TMEM260: variants seen among roughly 807,000 people sequenced by gnomAD.
TMEM260 encodes the protein protein O-mannosyl-transferase TMEM260.
In TMEM260, 82 loss-of-function variants were observed where a neutral mutation model predicts 88.9. The ratio of observed to expected loss-of-function variants is 0.92; its 90% CI spans 0.77 to 1.11. The LOEUF (loss-of-function observed/expected upper bound fraction) is 1.11, where lower values mean the gene tolerates loss of function less well. Ranked by LOEUF, TMEM260 falls within the 50% of genes least tolerant of loss-of-function variation. The probability of loss-of-function intolerance (pLI) is 0.00; values close to 1 mark genes in which losing one functional copy is unlikely to be tolerated. For synonymous variants in TMEM260, 314 were observed against 309.3 expected (o/e 1.02, Z -0.16); for missense variants, 902 against 853.4 (o/e 1.06, Z -0.71).
chr14:56,618,647 T>C lies in TMEM260; in HGVS notation c.1110T>C (p.Ile370=). The change falls in exon 10 of 16, where the codon ATT becomes ATC. Residue 370 remains isoleucine (I), a synonymous_variant. Transcript: ENST00000261556. ...CAGTAGTGGCCGTCCTCGCTGGCAT[T>C]GGTTTGGCTGCAGTTGTGTCTGAGA... ...SNAVVAVLAG[I]GLAAVVSETN... The C allele has an allele frequency of 6.2e-7, 1 of 1,614,242 alleles. No individual in the cohort carries two copies. The highest frequency in any genetic ancestry group is 8.5e-7 in the Non-Finnish European group (1 of 1,180,038).
chr14:56,634,909 T>C lies in TMEM260; in HGVS notation c.1735T>C (p.Ser579Pro), dbSNP rs926742226. ...TTCTTGTAACTACAGGTTTGATCCA[T>C]CTTCTTGGGAATCTGTGGCCAATGA... ...WTEEYGRFDP[S>P]SWESVANEEM... Residue 579 changes from serine to proline, a missense_variant, in exon 14 of 16, where the codon TCT becomes CCT. Ser to Pro is a moderately conservative substitution (Grantham distance 74, BLOSUM62 -1). Transcript: ENST00000261556. 3 of 1,613,702 alleles carry C rather than the reference T, an allele frequency of 1.9e-6. No homozygotes were observed. Among genetic ancestry groups the C allele is most frequent in the African/African-American group, 2.7e-5 (2 of 74,870 alleles).
At chr14:56,593,677 CTTTTTTTTTTTTTTT>C (rs34268894) in intron 3 of TMEM260, among the ~76,000 whole-genome samples, 5 of 63,506 alleles carry the variant, frequency 7.9e-5, no homozygotes, top group African/African-American at 1.6e-4. Context: ...AGGTGAGTGT[CTTTTTTTTTTTTTTT>C]TTTTTTTTTT....
intron 8 of TMEM260, 44 bp from the exon 9 acceptor site, chr14:56,617,139 C>A: frequency 1.7e-6 from 2 of 1,149,580 alleles, no homozygotes; most frequent in East Asian, 2.7e-5. Flanking sequence ...ATTTGACATT[C>A]ATGTATCTAA....
chr14:56,626,277 C>T (rs1888238712), intron 12 of TMEM260, among the ~76,000 whole-genome samples: 3 of 152,164 alleles, frequency 2.0e-5, no homozygotes, highest in Admixed American at 1.3e-4. Flanking sequence ...TTATATGGCT[C>T]GTGGAGTAAA....
chr14:56,591,545 C>G (rs775911700), intron 3 of TMEM260, among the ~76,000 whole-genome samples: 1 of 152,118 alleles, frequency 6.6e-6, no homozygotes, highest in Non-Finnish European at 1.5e-5. Context: ...ATGCCTTGGC[C>G]GGTGCCTTTG....
chr14:56,579,846 C>A lies in TMEM260; in HGVS notation c.-69C>A. 8.2e-7 allele frequency: 1 copy of A among 1,215,208 alleles called. No individual in the cohort carries two copies. The highest frequency in any genetic ancestry group is 1.0e-6 in the Non-Finnish European group (1 of 973,190). The allele number at this position is 1,215,208 out of a possible 1,614,324, so 75.3% of individuals were successfully genotyped here. On this transcript the variant is annotated 5_prime_UTR_variant, in exon 1 of 16. The change creates a new upstream start codon in the 5' untranslated region. Coordinates refer to ENST00000261556, the MANE Select transcript of TMEM260 (RefSeq NM_017799.4). Reference sequence around the variant, plus strand: ...CGCACAAGCTGCGCTCGTCTCTCGGCTGGGGAGCTCCGTGTCGCACCGGGT... The same window carrying A: ...CGCACAAGCTGCGCTCGTCTCTCGGATGGGGAGCTCCGTGTCGCACCGGGT...
chr14:56,660,312 A>C, the TMEM260 span, among the ~76,000 whole-genome samples: 3,832 of 152,336 alleles, frequency 0.025, 99 homozygotes, highest in East Asian at 0.057. Flanking sequence ...TTTGTCTGTC[A>C]ATACGTGGGA....
rs184098770 is a variant in TMEM260 at position 56,595,457 on chromosome 14, A to T, written c.345-8358A>T. 1.0e-3 allele frequency among the ~76,000 whole-genome samples: 152 copies of T among 152,288 alleles called. 2 individuals carry two copies. Among genetic ancestry groups the T allele is most frequent in the African/African-American group, 3.4e-3 (143 of 41,566 alleles). The stretch of plus-strand genomic sequence containing the variant: ...AAATCAATGTGTGAAAGGCAATATG[A>T]GTAACTGTGAACCTATATTTTATTT... On this transcript the variant is annotated intron_variant, in intron 3 of 15. Coordinates refer to ENST00000261556, the MANE Select transcript of TMEM260 (RefSeq NM_017799.4).
At chr14:56,637,061 C>T (rs1392785106) in intron 15 of TMEM260, among the ~76,000 whole-genome samples, 1 of 152,050 alleles carries the variant, frequency 6.6e-6, no homozygotes, top group Non-Finnish European at 1.5e-5. Flanking sequence ...GAGGAAGGAG[C>T]CAGGAGTAAA....
chr14:56,596,799 A>G (rs1270243022), intron 3 of TMEM260, among the ~76,000 whole-genome samples: 2 of 142,964 alleles, frequency 1.4e-5, no homozygotes, highest in Non-Finnish European at 3.0e-5. Context: ...AAAAAAATAT[A>G]TATATATACA....
chr14:56,660,900 T>C, the TMEM260 span, among the ~76,000 whole-genome samples: 2 of 152,210 alleles, frequency 1.3e-5, no homozygotes, highest in South Asian at 2.1e-4. Context: ...CAGTTCCACT[T>C]AGTTTAAAAA....
downstream of TMEM260, among the ~76,000 whole-genome samples, chr14:56,651,499 G>T (rs1203243982): frequency 6.6e-6 from 1 of 152,194 alleles, no homozygotes; most frequent in Non-Finnish European, 1.5e-5. Flanking sequence ...ACAATTATTG[G>T]CCTGAAAGTG....
At chr14:56,620,631 A>G (rs976922392) in intron 10 of TMEM260, among the ~76,000 whole-genome samples, 1 of 152,206 alleles carries the variant, frequency 6.6e-6, no homozygotes. Context: ...ACTCTGCAAC[A>G]TAGGGAATCA....
intron 3 of TMEM260, among the ~76,000 whole-genome samples, chr14:56,601,831 G>C (rs890454070): frequency 6.6e-6 from 1 of 152,042 alleles, no homozygotes; most frequent in African/African-American, 2.4e-5. Flanking sequence ...GCTGGCTCCT[G>C]TGTCCTTCTG....
At position 56,583,990 on chromosome 14, in the gene TMEM260, T is replaced by TTGTGTG. The variant is rs10594077; in HGVS notation, c.161-979_161-974dup. ...TAGACTAGGGATGCAATCCAGCCTT[T>TTGTGTG]TGTGTGTGTGTGTGTGTGTGTGTGT... On this transcript the variant is annotated intron_variant, in intron 1 of 15. Coordinates refer to ENST00000261556, the MANE Select transcript of TMEM260 (RefSeq NM_017799.4). Among the ~76,000 whole-genome samples the TTGTGTG allele has an allele frequency of 1.2e-3, 170 of 145,942 alleles. 1 individual carries two copies. Among genetic ancestry groups the TTGTGTG allele is most frequent in the East Asian group, 2.3e-3 (11 of 4,834 alleles).
chr14:56,641,416 A>G (rs535676352), intron 15 of TMEM260, among the ~76,000 whole-genome samples: 2 of 152,326 alleles, frequency 1.3e-5, no homozygotes, highest in South Asian at 2.1e-4. Context: ...AGCCAAACTA[A>G]GCTTCATAAG....
the TMEM260 span, among the ~76,000 whole-genome samples, chr14:56,660,005 A>G: frequency 6.6e-6 from 1 of 152,200 alleles, no homozygotes; most frequent in Admixed American, 6.5e-5. Flanking sequence ...AAGTCCTTGT[A>G]GCGAAATGAT....
intron 3 of TMEM260, among the ~76,000 whole-genome samples, chr14:56,587,978 A>G (rs997780235): frequency 6.6e-6 from 1 of 152,082 alleles, no homozygotes; most frequent in Non-Finnish European, 1.5e-5. Context: ...TCTTCTGTGA[A>G]TATAAACCCA....
downstream of TMEM260, among the ~76,000 whole-genome samples, chr14:56,653,993 T>C (rs1009772318): frequency 6.6e-6 from 1 of 152,212 alleles, no homozygotes. Flanking sequence ...CTCTGGCACA[T>C]TGAAGTCCTC....
Sources: gnomAD v4.1 joint callset for allele counts (sites outside exome capture counted in the v4.1 genomes callset) on GRCh38, gnomAD v4.1.1 for gene constraint, MANE v1.5 for transcripts, NCBI Gene and HGNC (gene_info 2026-07-23, HGNC 2026-07-21) for gene names.